TNK2: variants seen among roughly 807,000 people sequenced by gnomAD.
TNK2 encodes tyrosine kinase non receptor 2, also known as activated CDC42 kinase 1.
In TNK2, 83 loss-of-function variants were observed where a neutral mutation model predicts 101.8. That is an observed-to-expected ratio of 0.82 (90% CI 0.68 to 0.98). The LOEUF is 0.98. Among genes scored for constraint, TNK2 ranks in the 50% least tolerant of loss-of-function variants. The pLI, the probability that TNK2 is intolerant of heterozygous loss-of-function variation, is 0.00. For synonymous variants in TNK2, 804 were observed against 633.0 expected (o/e 1.27, Z -4.06); for missense variants, 1,665 against 1,483.2 (o/e 1.12, Z -2.01).
chr3:195,872,526 T>C, intron 9 of TNK2, 56 bp from the exon 10 acceptor site: 1 of 1,517,552 alleles, frequency 6.6e-7, no homozygotes, highest in South Asian at 1.3e-5. Flanking sequence ...GCCCCGGCAC[T>C]GGGACCCTCC....
At chr3:195,894,382 T>G (rs1234794685) in intron 1 of TNK2, 1 of 151,866 alleles carries the variant, frequency 6.6e-6, no homozygotes, top group East Asian at 1.9e-4. Context: ...AGAAGCAAAG[T>G]ATGTGTGGGT....
intron 11 of TNK2, 162 bp from the exon 12 acceptor site, chr3:195,869,703 C>A (rs191683167): frequency 2.7e-6 from 2 of 739,084 alleles, no homozygotes; most frequent in Admixed American, 4.3e-5. Flanking sequence ...AGGCCGCAGG[C>A]GGCAGGATGA....
At chr3:195,903,030 G>A (rs917255714) in intron 1 of TNK2, among the ~76,000 whole-genome samples, 5 of 151,356 alleles carry the variant, frequency 3.3e-5, no homozygotes, top group African/African-American at 7.3e-5. Context: ...GATTACAGGC[G>A]TGAGCCACCG....
intron 9 of TNK2, among the ~76,000 whole-genome samples, chr3:195,873,516 C>T (rs1453196360): frequency 6.6e-6 from 1 of 151,374 alleles, no homozygotes; most frequent in East Asian, 2.0e-4. Flanking sequence ...CGGTGACAGC[C>T]CCGTGGGCAG....
chr3:195,902,819 G>A (rs4560328), intron 1 of TNK2, among the ~76,000 whole-genome samples: 22,815 of 151,484 alleles, frequency 0.15, 1,998 homozygotes, highest in Non-Finnish European at 0.19. Context: ...GCGCAATCTC[G>A]GCTCGCTGCA....
chr3:195,885,572 T>G lies in TNK2; in HGVS notation c.235-539A>C. On this transcript the variant is annotated intron_variant, in intron 3 of 15. Coordinates refer to ENST00000672887, the MANE Select transcript of TNK2 (RefSeq NM_001382273.1). The surrounding 1 kb of genome is among the most constrained non-coding windows in gnomAD (Gnocchi z 4.7). ...CCCAGGGGAGAGGATAATTTTAGTC[T>G]GAGGTTGAACCGTGAGTGTGTGTGT... The G allele has an allele frequency of 7.8e-7, 1 of 1,290,156 alleles. No homozygotes were observed. Among genetic ancestry groups the G allele is most frequent in the Non-Finnish European group, 1.0e-6 (1 of 989,098 alleles). 79.9% of individuals were successfully genotyped at this position (1,290,156 alleles called of 1,614,324 possible). A position where few individuals can be genotyped will look rare whatever the true frequency, so the allele number is the denominator to read the frequency against.
chr3:195,897,829 ACCCCCCG>A (rs1560543921), intron 1 of TNK2, among the ~76,000 whole-genome samples: 146 of 13,288 alleles, frequency 0.011, no homozygotes, highest in African/African-American at 0.035. Context: ...CCCCCCCCCC[ACCCCCCG>A]CCCCCAGCTT....
At position 195,868,172 on chromosome 3, in the gene TNK2, C is replaced by G; in HGVS notation, c.2126G>C (p.Gly709Ala). 2 of 1,610,376 alleles carry G rather than the reference C, an allele frequency of 1.2e-6. No individual in the cohort carries two copies. Among genetic ancestry groups the G allele is most frequent in the Non-Finnish European group, 1.7e-6 (2 of 1,179,010 alleles). The change falls in exon 13 of 16, where the codon GGG becomes GCG. Residue 709 changes from glycine to alanine, a missense_variant. Physicochemically the swap from Gly to Ala is moderately conservative, Grantham distance 60 (BLOSUM62 0). Coordinates refer to ENST00000672887, the MANE Select transcript of TNK2 (RefSeq NM_001382273.1). ...CTGTGCGGAGCTGGGCGGCTTGCCC[C>G]CACCCTGGGGCGGGAGGAACAGGTT... is the stretch of plus-strand genomic sequence containing the variant. The part of the protein sequence containing the change: ...EDNLFLPPQG[G>A]GKPPSSAQTA...
intron 4 of TNK2, chr3:195,884,214 A>G (rs1296964519): frequency 6.6e-6 from 1 of 152,182 alleles, no homozygotes; most frequent in East Asian, 1.9e-4. Flanking sequence ...CAAAATACCT[A>G]AAGTGGGAGG....
chr3:195,887,069 G>T, intron 2 of TNK2, 22 bp from the exon 3 acceptor site: 1 of 1,600,174 alleles, frequency 6.2e-7, no homozygotes, highest in Non-Finnish European at 8.5e-7. Context: ...GCGGGGAACC[G>T]CGTGCTGTGA....
rs186800421 is a variant in TNK2, at chr3:195,892,625, G to A, written c.-18-4019C>T. 510 of 1,438,840 alleles carry A rather than the reference G, an allele frequency of 3.5e-4. 2 individuals are homozygous for A. The African/African-American group carries it at 6.9e-3, about 19-fold the overall frequency. 89.1% of individuals were successfully genotyped at this position (1,438,840 alleles called of 1,614,324 possible). A position where few individuals can be genotyped will look rare whatever the true frequency, so the allele number is the denominator to read the frequency against. ...GAGGAAGAACGGGGTGGGCCCCTCC[G>A]CTCTGCTGCAAGCCCCGCTGGGTTT... On this transcript the variant is annotated intron_variant, in intron 1 of 15. Coordinates refer to ENST00000672887, the MANE Select transcript of TNK2 (RefSeq NM_001382273.1).
At chr3:195,877,603 C>A (rs1750135191) in intron 9 of TNK2, among the ~76,000 whole-genome samples, 1 of 152,214 alleles carries the variant, frequency 6.6e-6, no homozygotes, top group African/African-American at 2.4e-5. Flanking sequence ...GCCAGTTGCT[C>A]AGACACCCTG....
chr3:195,887,208 G>A (rs996011767), intron 2 of TNK2, among the ~76,000 whole-genome samples, 161 bp from the exon 3 acceptor site: 56 of 152,220 alleles, frequency 3.7e-4, no homozygotes, highest in African/African-American at 1.2e-3. Context: ...ACTGACCGAC[G>A]GTCTCTGCAC....
At chr3:195,887,754 C>T (rs190441585) in intron 2 of TNK2, among the ~76,000 whole-genome samples, 47 of 148,304 alleles carry the variant, frequency 3.2e-4, no homozygotes, top group African/African-American at 1.2e-3. Flanking sequence ...TGTGCACACG[C>T]GTGTGCGCAC....
chr3:195,867,096 G>A (rs1741382534), intron 14 of TNK2, 73 bp downstream of exon 14: 2 of 1,607,816 alleles, frequency 1.2e-6, no homozygotes, highest in Non-Finnish European at 1.7e-6. Context: ...GGAGCCAGGG[G>A]GCGTGGGGCT....
At position 195,865,071 on chromosome 3, in the gene TNK2, G is replaced by C. The variant is rs1484370318; in HGVS notation, c.3162-884C>G. 1.4e-3 allele frequency among the ~76,000 whole-genome samples: 151 copies of C among 105,446 alleles called. 1 individual carries two copies. The highest frequency in any genetic ancestry group is 2.2e-3 in the Non-Finnish European group (113 of 52,280). The allele number at this position is 105,446 out of a possible 152,430, so 69.2% of individuals were successfully genotyped here. A position where few individuals can be genotyped will look rare whatever the true frequency, so the allele number is the denominator to read the frequency against. ...CGAGACAGTGACAGACAGGTGACAC[G>C]GAGTGCCTGCGTCCCAGGTGCAAAT... On this transcript the variant is annotated intron_variant, in intron 15 of 15. Transcript: ENST00000672887.
chr3:195,873,503 G>A (rs1746950222), intron 9 of TNK2, among the ~76,000 whole-genome samples: 1 of 151,608 alleles, frequency 6.6e-6, no homozygotes, highest in South Asian at 2.1e-4. Context: ...GGGCAGGCGG[G>A]GGCGGTGACA....
intron 1 of TNK2, among the ~76,000 whole-genome samples, chr3:195,905,234 C>G (rs536425035): frequency 6.6e-6 from 1 of 152,288 alleles, no homozygotes; most frequent in Admixed American, 6.5e-5. Context: ...GAGTCTCACA[C>G]TGTCGCCCGG....
chr3:195,869,404 G>T, intron 12 of TNK2, 93 bp downstream of exon 12: 1 of 535,302 alleles, frequency 1.9e-6, no homozygotes, highest in East Asian at 5.4e-5. Context: ...CCTCCCCTCC[G>T]GCCCAGCCGC....
Sources: allele counts gnomAD v4.1 joint callset (sites outside exome capture counted in the v4.1 genomes callset), GRCh38; gene constraint gnomAD v4.1.1; non-coding constraint Gnocchi (gnomAD v3.1); transcripts MANE v1.5; gene names NCBI Gene and HGNC (gene_info 2026-07-23, HGNC 2026-07-21).